ALDH1A3: variants seen among roughly 807,000 people sequenced by gnomAD.
ALDH1A3 encodes the protein aldehyde dehydrogenase 1 family member A3, also known as retinaldehyde dehydrogenase 3.
ALDH1A3 carries 28 observed loss-of-function variants against 57.5 expected under a neutral mutation model. The observed-to-expected ratio is 0.49, with a 90% CI of 0.36 to 0.67. The LOEUF is 0.67. Among genes scored for constraint, ALDH1A3 ranks in the 30% least tolerant of loss-of-function variants. The pLI is 0.00. For synonymous variants in ALDH1A3, 281 were observed against 264.8 expected, an observed-to-expected ratio of 1.06 and a Z score of -0.59; for missense variants, 507 against 669.4, an observed-to-expected ratio of 0.76 and a Z score of 2.68.
At chr15:100,898,217 G>A in intron 8 of ALDH1A3, 32 bp downstream of exon 8, 1 of 1,583,588 alleles carries the variant, frequency 6.3e-7, no homozygotes, top group African/African-American at 1.3e-5. Flanking sequence ...CTTTGCTGGG[G>A]CTTCAGGGCA....
rs536805057 is a variant in ALDH1A3, at chr15:100,894,733, A to G, written c.666+651A>G. 1.3e-5 allele frequency: 2 copies of G among 152,474 alleles called. No homozygotes were observed. The highest frequency in any genetic ancestry group is 1.3e-4 in the Admixed American group (2 of 15,320). The allele number at this position is 152,474 out of a possible 1,614,324, so 9.4% of individuals were successfully genotyped here. ...TCTTAGTCGGGCTGATATGACCGGC[A>G]GGCAGGTCCACAGTTGCTTAGAAGC... On this transcript the variant is annotated intron_variant, in intron 6 of 12. Transcript: ENST00000329841. The surrounding 1 kb of genome is among the most constrained non-coding windows in gnomAD (Gnocchi z 4.5).
At chr15:100,885,581 A>T (rs1238591882) in intron 2 of ALDH1A3, among the ~76,000 whole-genome samples, 2 of 151,962 alleles carry the variant, frequency 1.3e-5, no homozygotes, top group Non-Finnish European at 2.9e-5. Flanking sequence ...TTCTCCCTTG[A>T]TAGATGTTTC....
intron 8 of ALDH1A3, 68 bp downstream of exon 8, chr15:100,898,253 G>A: frequency 2.8e-6 from 4 of 1,433,510 alleles, no homozygotes; most frequent in Non-Finnish European, 3.9e-6. Flanking sequence ...CTACTTCCTG[G>A]CCTGAATTCA....
intron 1 of ALDH1A3, chr15:100,880,221 C>G (rs973112348): frequency 4.8e-5 from 19 of 397,760 alleles, no homozygotes; most frequent in African/African-American, 3.7e-4. Flanking sequence ...CTGTGAGCCT[C>G]GAAGCCGGGA....
intron 1 of ALDH1A3, among the ~76,000 whole-genome samples, chr15:100,883,311 C>G (rs1471759394): frequency 6.6e-6 from 1 of 152,232 alleles, no homozygotes; most frequent in African/African-American, 2.4e-5. Context: ...AACTCTTCTT[C>G]CTCAGTTATT....
rs377271890 is a variant in ALDH1A3, at chr15:100,907,272, C to T, written c.1385C>T (p.Thr462Met). The T allele has an allele frequency of 1.1e-4, 170 of 1,613,672 alleles. No homozygotes were observed. Among genetic ancestry groups the T allele is most frequent in the South Asian group, 2.3e-4 (21 of 90,960 alleles). The stretch of plus-strand genomic sequence containing the variant: ...TTGGCTTCTGCCTTAGAGTCTGGAA[C>T]GGTCTGGTGAGTTGACTGTGTGTGT... ...LKLASALESG[T>M]VWINCYNALY... Residue 462 changes from threonine (T) to methionine (M), a missense_variant, in exon 11 of 13, where the codon ACG (threonine) becomes ATG (methionine). Coordinates refer to ENST00000329841, the MANE Select transcript of ALDH1A3 (RefSeq NM_000693.4).
In ALDH1A3 at chr15:100,887,769, G is replaced by T; in HGVS notation, c.345+57G>T. 6.6e-7 allele frequency: 1 copy of T among 1,519,454 alleles called. No individual in the cohort carries two copies. 94.1% of individuals were successfully genotyped at this position (1,519,454 alleles called of 1,614,324 possible). On this transcript the variant is annotated intron_variant, in intron 3 of 12. Coordinates refer to ENST00000329841, the MANE Select transcript of ALDH1A3 (RefSeq NM_000693.4). The surrounding 1 kb of genome is among the most constrained non-coding windows in gnomAD (Gnocchi z 4.6). The stretch of plus-strand genomic sequence containing the variant: ...ATGAGCCAGCCTCACTGAGGGTCCT[G>T]TCCACCATGGGGTATGGGAAAAAAG...
chr15:100,903,369 C>G (rs948764353), intron 9 of ALDH1A3, among the ~76,000 whole-genome samples: 12 of 152,162 alleles, frequency 7.9e-5, no homozygotes, highest in African/African-American at 2.9e-4. Flanking sequence ...GCTCTTTATA[C>G]CAGTCCATGG....
chr15:100,880,375 T>G, intron 1 of ALDH1A3: 3 of 369,332 alleles, frequency 8.1e-6, no homozygotes, highest in East Asian at 3.9e-5. Flanking sequence ...GGGAGCTCCC[T>G]CCCCAAAAAC....
intron 8 of ALDH1A3, among the ~76,000 whole-genome samples, chr15:100,898,939 A>ACC (rs1200340113): frequency 6.6e-6 from 1 of 152,222 alleles, no homozygotes; most frequent in Non-Finnish European, 1.5e-5. Context: ...CCTTTGCCTT[A>ACC]AAGAATAGCC....
At chr15:100,898,607 C>A (rs900644415) in intron 8 of ALDH1A3, among the ~76,000 whole-genome samples, 1 of 152,202 alleles carries the variant, frequency 6.6e-6, no homozygotes, top group Non-Finnish European at 1.5e-5. Flanking sequence ...CATTTCCTAT[C>A]ATATGTTTTA....
At chr15:100,907,840 C>CTTT (rs1323671806) in intron 11 of ALDH1A3, among the ~76,000 whole-genome samples, 1 of 83,678 alleles carries the variant, frequency 1.2e-5, no homozygotes, top group Non-Finnish European at 2.4e-5. Flanking sequence ...TTCTTTCTTT[C>CTTT]TTTCTTTTTT....
intron 11 of ALDH1A3, 65 bp from the exon 12 acceptor site, chr15:100,908,343 C>T: frequency 7.2e-7 from 1 of 1,396,978 alleles, no homozygotes; most frequent in Non-Finnish European, 1.0e-6. Flanking sequence ...GGCTAAGTGG[C>T]TGCAGTGCCA....
At chr15:100,884,928 C>T (rs909906745) in intron 1 of ALDH1A3, among the ~76,000 whole-genome samples, 4 of 152,168 alleles carry the variant, frequency 2.6e-5, no homozygotes, top group Non-Finnish European at 4.4e-5. Flanking sequence ...TATGAGATTC[C>T]ATTCACAGCC....
In ALDH1A3 at chr15:100,889,534, T is replaced by C. The variant is rs1270216320; in HGVS notation, c.345+1822T>C. 6.6e-6 allele frequency among the ~76,000 whole-genome samples: 1 copy of C among 152,200 alleles called. No individual in the cohort carries two copies. The highest frequency in any genetic ancestry group is 2.4e-5 in the African/African-American group (1 of 41,442). On this transcript the variant is annotated intron_variant, in intron 3 of 12. Coordinates refer to ENST00000329841, the MANE Select transcript of ALDH1A3 (RefSeq NM_000693.4). The surrounding 1 kb of genome is among the most constrained non-coding windows in gnomAD (Gnocchi z 5.1). ...CAACCCTCAAGCTGCCAAACTGGCT[T>C]TTTCAAAAACATTTCTGTTTTCACC...
chr15:100,885,389 A>C lies in ALDH1A3; in HGVS notation c.204+18A>C, dbSNP rs368466018. 6.4e-7 allele frequency: 1 copy of C among 1,560,084 alleles called. No individual in the cohort carries two copies. Among genetic ancestry groups the C allele is most frequent in the Non-Finnish European group, 8.8e-7 (1 of 1,131,312 alleles). ...GAGATAAGGTAAATACTTAAAATAA[A>C]TTTGCTCTAAGTAATTCAATTATGG... On this transcript the variant is annotated intron_variant, in intron 2 of 12. Coordinates refer to ENST00000329841, the MANE Select transcript of ALDH1A3 (RefSeq NM_000693.4).
At position 100,900,590 on chromosome 15, in the gene ALDH1A3, A is replaced by T. The variant is rs774736590; in HGVS notation, c.899A>T (p.Glu300Val). The change falls in exon 9 of 13, where the codon GAG becomes GTG. Residue 300 changes from glutamate (E) to valine (V), a missense_variant. Glu to Val is a moderately radical substitution (Grantham distance 121). Coordinates refer to ENST00000329841, the MANE Select transcript of ALDH1A3 (RefSeq NM_000693.4). ...CCCCCTCCAGTGGACTTGGCAGTGG[A>T]GTGTGCCCATCAGGGAGTGTTCTTC... ...CADADLDLAV[E>V]CAHQGVFFNQ... The T allele has an allele frequency of 1.3e-6, 2 of 1,592,756 alleles. No individual in the cohort carries two copies. Among genetic ancestry groups the T allele is most frequent in the Non-Finnish European group, 8.6e-7 (1 of 1,168,770 alleles).
Position 100,907,221 on chromosome 15 carries a change from C to CA in ALDH1A3, c.1340dup (p.Asn447LysfsTer35). 1 of 1,614,166 alleles carries CA rather than the reference C, an allele frequency of 6.2e-7. No homozygotes were observed. The highest frequency in any genetic ancestry group is 1.3e-5 in the African/African-American group (1 of 75,054). On this transcript the variant is annotated frameshift_variant, in exon 11 of 13. Transcript: ENST00000329841. LOFTEE classifies it high-confidence loss of function. Reference sequence around the variant, plus strand: ...TATGGACTCACAGCAGCCGTGTTCACAAAAAATCTCGACAAAGCCCTGAAG... The same window carrying CA: ...TATGGACTCACAGCAGCCGTGTTCACAAAAAAATCTCGACAAAGCCCTGAAG...
chr15:100,909,385 C>T (rs1331509959), intron 12 of ALDH1A3, among the ~76,000 whole-genome samples: 3 of 150,828 alleles, frequency 2.0e-5, no homozygotes, highest in African/African-American at 7.3e-5. Flanking sequence ...ACTGCAAACC[C>T]CTTTGTGTGT....
Sources: allele counts gnomAD v4.1 joint callset (sites outside exome capture counted in the v4.1 genomes callset), GRCh38; gene constraint gnomAD v4.1.1; non-coding constraint Gnocchi (gnomAD v3.1); transcripts MANE v1.5; gene names NCBI Gene and HGNC (gene_info 2026-07-23, HGNC 2026-07-21).